The following PPIC variants were observed in gnomAD, a reference collection of about 807,000 sequenced individuals.
PPIC encodes peptidyl-prolyl cis-trans isomerase C.
A neutral mutation model predicts 19.5 loss-of-function variants in PPIC; 19 were observed. The ratio of observed to expected loss-of-function variants is 0.98; its 90% CI spans 0.68 to 1.43. PPIC has a LOEUF of 1.43. Among genes scored for constraint, PPIC ranks in the 40% most tolerant of loss-of-function variants. The pLI is 0.00. For synonymous variants in PPIC, 107 were observed against 101.2 expected, an observed-to-expected ratio of 1.06 and a Z score of -0.34; for missense variants, 268 against 268.6, an observed-to-expected ratio of 1.00 and a Z score of 0.02.
rs368592200 is a variant in PPIC at position 123,034,344 on chromosome 5, T to C, written c.117+2165A>G. 4.6e-5 allele frequency among the ~76,000 whole-genome samples: 7 copies of C among 152,278 alleles called. No individual in the cohort carries two copies. The East Asian group carries it at 5.8e-4, about 13-fold the overall frequency. On this transcript the variant is annotated intron_variant, in intron 1 of 4. Transcript: ENST00000306442. ...GTAGGGGGAAAAAAGACATGTTAAG[T>C]AACAATTCTGAGAGTAGGGTGCATG...
chr5:123,027,010 C>T (rs1301571459), intron 3 of PPIC, among the ~76,000 whole-genome samples: 1 of 152,014 alleles, frequency 6.6e-6, no homozygotes, highest in Non-Finnish European at 1.5e-5. Context: ...CTGGCTAACA[C>T]GGTGAAACCC....
At chr5:123,028,495 T>A (rs1762895747) in intron 3 of PPIC, 1 of 320,820 alleles carries the variant, frequency 3.1e-6, no homozygotes, top group Non-Finnish European at 5.6e-6. Context: ...GTATGGCTAC[T>A]GACTAGTAGT....
chr5:123,034,613 G>C (rs1762981015), intron 1 of PPIC, among the ~76,000 whole-genome samples: 2 of 152,150 alleles, frequency 1.3e-5, no homozygotes, highest in Admixed American at 1.3e-4. Context: ...AAGTTTCCCA[G>C]GTGAAACCTG....
At chr5:123,027,386 A>G (rs1762875229) in intron 3 of PPIC, among the ~76,000 whole-genome samples, 1 of 152,168 alleles carries the variant, frequency 6.6e-6, no homozygotes, top group South Asian at 2.1e-4. Flanking sequence ...CAGGGAAGGT[A>G]GTGAGAAAAA....
Position 123,036,693 on chromosome 5 carries a change from C to A in PPIC, c.-68G>T, listed in dbSNP as rs928064890. 2.2e-6 allele frequency: 3 copies of A among 1,384,012 alleles called. No individual in the cohort carries two copies. The highest frequency in any genetic ancestry group is 3.0e-6 in the Non-Finnish European group (3 of 1,009,566). 85.7% of individuals were successfully genotyped at this position (1,384,012 alleles called of 1,614,324 possible). ...CACGGGCGCGACACAGGCTCTGGGACAGCTGACGGGACTGCCGGCCGGCTG... is the reference window on the plus strand; with the variant it reads ...CACGGGCGCGACACAGGCTCTGGGAAAGCTGACGGGACTGCCGGCCGGCTG... On this transcript the variant is annotated 5_prime_UTR_variant, in exon 1 of 5. Coordinates refer to ENST00000306442, the MANE Select transcript of PPIC (RefSeq NM_000943.5). This position sits in a 1 kb window ranked among gnomAD's most constrained non-coding sequence, Gnocchi z 4.5.
chr5:123,023,980 G>A lies in PPIC; in HGVS notation c.534C>T (p.Leu178=), dbSNP rs572936008. 6.2e-7 allele frequency: 1 copy of A among 1,613,604 alleles called. No homozygotes were observed. The highest frequency in any genetic ancestry group is 2.2e-5 in the East Asian group (1 of 44,850). Residue 178 remains leucine (L), a synonymous_variant, in exon 5 of 5, where the codon CTC becomes CTT. Coordinates refer to ENST00000306442, the MANE Select transcript of PPIC (RefSeq NM_000943.5). ...GACGGTCATGCCCATCAGTTGCTTG[G>A]AGCTCTATGGAGTGCACCACTGTCT... ...DGMTVVHSIE[L]QATDGHDRPL... is the part of the protein sequence containing the mutation.
intron 1 of PPIC, among the ~76,000 whole-genome samples, chr5:123,033,146 A>G (rs1762964693): frequency 6.6e-6 from 1 of 152,242 alleles, no homozygotes; most frequent in Admixed American, 6.5e-5. Context: ...CCCTTTCTTC[A>G]TCTGTAAAAT....
rs139692407 is a variant in PPIC, at chr5:123,029,322, C to G, written c.214G>C (p.Ala72Pro). The change falls in exon 2 of 5, where the codon GCT becomes CCT. Residue 72 changes from alanine to proline, a missense_variant. Coordinates refer to ENST00000306442, the MANE Select transcript of PPIC (RefSeq NM_000943.5). ...AGACATACCTCTCCTGTTGCTAGAG[C>G]AACAAAATTTTCCACTGTCTTGGGC... ...VVPKTVENFV[A>P]LATGEKGYGY... 6.8e-6 allele frequency: 11 copies of G among 1,613,816 alleles called. No homozygotes were observed. The Admixed American group carries it at 1.5e-4, about 22-fold the overall frequency.
intron 4 of PPIC, among the ~76,000 whole-genome samples, chr5:123,024,274 A>G (rs1442458682): frequency 1.3e-5 from 2 of 152,232 alleles, no homozygotes; most frequent in Non-Finnish European, 2.9e-5. Flanking sequence ...CTTTTTAAAT[A>G]AGCATTTTAT....
At chr5:123,027,699 T>C (rs927543953) in intron 3 of PPIC, among the ~76,000 whole-genome samples, 2 of 152,168 alleles carry the variant, frequency 1.3e-5, no homozygotes, top group African/African-American at 4.8e-5. Context: ...AAACAAACCA[T>C]TGCAATAAAC....
chr5:123,023,683 G>A lies in PPIC; in HGVS notation c.*192C>T. On this transcript the variant is annotated 3_prime_UTR_variant, in exon 5 of 5. Coordinates refer to ENST00000306442, the MANE Select transcript of PPIC (RefSeq NM_000943.5). ...TATTTAAGTTCAAAGTCCCTAAGCA[G>A]GTGGTTTACTAAAGTTCAAGCAAAC... 1 of 808,322 alleles carries A rather than the reference G, an allele frequency of 1.2e-6. No individual in the cohort carries two copies. Among genetic ancestry groups the A allele is most frequent in the Non-Finnish European group, 1.7e-6 (1 of 591,582 alleles). 50.1% of individuals were successfully genotyped at this position (808,322 alleles called of 1,614,324 possible).
At position 123,036,278 on chromosome 5, in the gene PPIC, C is replaced by A. The variant is rs45580635; in HGVS notation, c.117+231G>T. The A allele has an allele frequency of 8.3e-3, 4,647 of 559,662 alleles. 30 individuals carry two copies. Among genetic ancestry groups the A allele is most frequent in the Non-Finnish European group, 0.011 (3,371 of 314,226 alleles). 34.7% of individuals were successfully genotyped at this position (559,662 alleles called of 1,614,324 possible). ...ACCCGGGACAAGAAGTCCAAGCAGA[C>A]TGCGGCGGAGGTAGGCTGGCCTCAG... On this transcript the variant is annotated intron_variant, in intron 1 of 4. Coordinates refer to ENST00000306442, the MANE Select transcript of PPIC (RefSeq NM_000943.5). The surrounding 1 kb of genome is among the most constrained non-coding windows in gnomAD (Gnocchi z 4.5).
chr5:123,025,966 C>T lies in PPIC; in HGVS notation c.328G>A (p.Val110Met). The part of the protein sequence containing the change: ...DITTGDGTGG[V>M]SIYGETFPDE... ...GGAAATGTCTCACCATAGATGCTCA[C>T]ACCTGAGACAAAACAAGGAAGAAAG... Residue 110 changes from valine to methionine, a missense_variant and splice_region_variant, in exon 4 of 5, where the codon GTG becomes ATG. Val to Met is a conservative substitution (Grantham distance 21, BLOSUM62 1). Coordinates refer to ENST00000306442, the MANE Select transcript of PPIC (RefSeq NM_000943.5). The T allele has an allele frequency of 6.3e-7, 1 of 1,583,260 alleles. No individual in the cohort carries two copies. Among genetic ancestry groups the T allele is most frequent in the Non-Finnish European group, 8.6e-7 (1 of 1,168,210 alleles).
At chr5:123,032,233 G>A (rs1762953903) in intron 1 of PPIC, among the ~76,000 whole-genome samples, 1 of 152,168 alleles carries the variant, frequency 6.6e-6, no homozygotes, top group Non-Finnish European at 1.5e-5. Flanking sequence ...CACCACACTG[G>A]GAAAGGTGGG....
At chr5:123,029,007 C>T in intron 2 of PPIC, 139 bp from the exon 3 acceptor site, 1 of 864,238 alleles carries the variant, frequency 1.2e-6, no homozygotes, top group Non-Finnish European at 1.7e-6. Flanking sequence ...CTATGGTTTA[C>T]TGAGAGAAAT....
At chr5:123,025,649 T>A (rs1762839995) in intron 4 of PPIC, 135 bp downstream of exon 4, 1 of 872,050 alleles carries the variant, frequency 1.1e-6, no homozygotes, top group East Asian at 2.8e-5. Flanking sequence ...CCATATATAA[T>A]TTATTCACCT....
rs1554081573 is a variant in PPIC, at chr5:123,023,802, A to T, written c.*73T>A. The T allele has an allele frequency of 7.1e-6, 10 of 1,413,446 alleles. No homozygotes were observed. The South Asian group carries it at 1.6e-4, about 22-fold the overall frequency. The allele number at this position is 1,413,446 out of a possible 1,614,324, so 87.6% of individuals were successfully genotyped here. A position where few individuals can be genotyped will look rare whatever the true frequency, so the allele number is the denominator to read the frequency against. ...AAAAAAAAGCAAATAATTGAAAGAC[A>T]ACACAACACACACACACACACACAC... On this transcript the variant is annotated 3_prime_UTR_variant, in exon 5 of 5. Coordinates refer to ENST00000306442, the MANE Select transcript of PPIC (RefSeq NM_000943.5).
chr5:123,029,753 G>A (rs1762919258), intron 1 of PPIC, among the ~76,000 whole-genome samples: 1 of 152,148 alleles, frequency 6.6e-6, no homozygotes, highest in Non-Finnish European at 1.5e-5. Context: ...AAACGCTGCT[G>A]CTACTTCCCA....
At chr5:123,028,554 C>A (rs1762896307) in intron 3 of PPIC, 1 of 437,262 alleles carries the variant, frequency 2.3e-6, no homozygotes, top group South Asian at 6.7e-5. Context: ...TACGGAAAGA[C>A]AATAAACACC....
Sources: allele counts gnomAD v4.1 joint callset (sites outside exome capture counted in the v4.1 genomes callset), GRCh38; gene constraint gnomAD v4.1.1; non-coding constraint Gnocchi (gnomAD v3.1); transcripts MANE v1.5; gene names NCBI Gene and HGNC (gene_info 2026-07-23, HGNC 2026-07-21).